The following CALN1 variants were observed in gnomAD, a reference collection of about 807,000 sequenced individuals.
The protein encoded by CALN1 is calneuron 1, also known as calcium-binding protein 8.
In CALN1, 17 loss-of-function variants were observed where a neutral mutation model predicts 30.6. The ratio of observed to expected loss-of-function variants is 0.56; its 90% CI spans 0.38 to 0.83. CALN1 has a LOEUF of 0.83. Among genes scored for constraint, CALN1 ranks in the 40% least tolerant of loss-of-function variants. The pLI, the probability that CALN1 is intolerant of heterozygous loss-of-function variation, is 0.00. For synonymous variants in CALN1, 156 were observed against 131.4 expected (o/e 1.19, Z -1.28); for missense variants, 291 against 354.9 (o/e 0.82, Z 1.45).
chr7:71,890,939 G>T (rs879443952), intron 5 of CALN1, among the ~76,000 whole-genome samples: 8 of 151,836 alleles, frequency 5.3e-5, no homozygotes, highest in Non-Finnish European at 1.2e-4. Context: ...TAGAGACAGG[G>T]CTTTGCTATT....
intron 2 of CALN1, among the ~76,000 whole-genome samples, chr7:72,280,073 T>C (rs1197000141): frequency 6.6e-6 from 1 of 152,198 alleles, no homozygotes; most frequent in Non-Finnish European, 1.5e-5. Context: ...CTATTTCCAT[T>C]AAGCAGACCC....
At chr7:71,826,196 CCACAAGGAATCAG>C (rs1788905247) in intron 5 of CALN1, among the ~76,000 whole-genome samples, 1 of 151,916 alleles carries the variant, frequency 6.6e-6, no homozygotes, top group South Asian at 2.1e-4. Context: ...CTTCTTTGGC[CCACAAGGAATCAG>C]CTCAAGGGAG....
At chr7:72,229,276 T>C (rs886257043) in intron 3 of CALN1, among the ~76,000 whole-genome samples, 9 of 151,984 alleles carry the variant, frequency 5.9e-5, no homozygotes, top group African/African-American at 2.2e-4. Flanking sequence ...GGGGGTATTA[T>C]CCTGTTTTAT....
At chr7:72,471,333 G>A in the CALN1 span, among the ~76,000 whole-genome samples, 2 of 152,158 alleles carry the variant, frequency 1.3e-5, no homozygotes, top group Non-Finnish European at 2.9e-5. Context: ...ATCTCCTTTG[G>A]GGAGAAGGCA....
At chr7:72,344,235 AC>A (rs1288660721) in intron 2 of CALN1, among the ~76,000 whole-genome samples, 1 of 151,970 alleles carries the variant, frequency 6.6e-6, no homozygotes, top group African/African-American at 2.4e-5. Flanking sequence ...GAGACAAGCC[AC>A]CCCCACCATG....
intron 6 of CALN1, among the ~76,000 whole-genome samples, chr7:71,808,181 A>G (rs1787732363): frequency 6.6e-6 from 1 of 152,104 alleles, no homozygotes; most frequent in Non-Finnish European, 1.5e-5. Flanking sequence ...TACCATAATT[A>G]TTAATTATGA....
chr7:72,179,836 T>C (rs1269696988), intron 3 of CALN1, among the ~76,000 whole-genome samples: 1 of 152,198 alleles, frequency 6.6e-6, no homozygotes, highest in Non-Finnish European at 1.5e-5. Context: ...TACATTTTCT[T>C]ATGTAAAAAA....
At position 71,842,200 on chromosome 7, in the gene CALN1, G is replaced by A. The variant is rs867411321; in HGVS notation, c.502-31708C>T. Reference sequence around the variant, plus strand: ...AAGTCTAGTCCCGAGTAAACTCTTTGACAAGCAGGATTCACCCAATGTGAC... The same window carrying A: ...AAGTCTAGTCCCGAGTAAACTCTTTAACAAGCAGGATTCACCCAATGTGAC... On this transcript the variant is annotated intron_variant, in intron 5 of 6. Coordinates refer to ENST00000395275, the MANE Select transcript of CALN1 (RefSeq NM_031468.4). Among the ~76,000 whole-genome samples the A allele has an allele frequency of 5.9e-5, 9 of 152,128 alleles. No individual in the cohort carries two copies. The South Asian group carries it at 1.9e-3, about 32-fold the overall frequency.
chr7:71,850,090 C>T (rs1398182044), intron 5 of CALN1, among the ~76,000 whole-genome samples: 3 of 152,100 alleles, frequency 2.0e-5, no homozygotes, highest in Non-Finnish European at 4.4e-5. Context: ...CTGAAGGATT[C>T]TTGTGAAAGG....
intron 3 of CALN1, among the ~76,000 whole-genome samples, chr7:72,248,733 C>T (rs777096921): frequency 2.6e-5 from 4 of 151,860 alleles, no homozygotes; most frequent in Non-Finnish European, 4.4e-5. Context: ...AATTAGGACA[C>T]GCACATCTTT....
At chr7:72,021,488 A>G (rs1019752727) in intron 5 of CALN1, among the ~76,000 whole-genome samples, 5 of 152,096 alleles carry the variant, frequency 3.3e-5, no homozygotes. Flanking sequence ...GACTCTACCT[A>G]TTGGTCCTTG....
At chr7:72,281,006 T>C (rs1212568104) in intron 2 of CALN1, among the ~76,000 whole-genome samples, 2 of 151,910 alleles carry the variant, frequency 1.3e-5, no homozygotes, top group Non-Finnish European at 2.9e-5. Context: ...TAGCTGGACA[T>C]GGTAGTGCAC....
chr7:71,871,079 T>C (rs1437823652), intron 5 of CALN1, among the ~76,000 whole-genome samples: 1 of 152,082 alleles, frequency 6.6e-6, no homozygotes, highest in Non-Finnish European at 1.5e-5. Context: ...GTAAGCAAAA[T>C]TGCAGGGAGG....
At chr7:71,953,587 A>G (rs923469869) in intron 5 of CALN1, among the ~76,000 whole-genome samples, 1 of 152,134 alleles carries the variant, frequency 6.6e-6, no homozygotes, top group African/African-American at 2.4e-5. Context: ...TTTCACGCCT[A>G]TTAACAGCAT....
intron 2 of CALN1, among the ~76,000 whole-genome samples, chr7:72,381,517 G>A (rs562258930): frequency 6.6e-6 from 1 of 152,280 alleles, no homozygotes; most frequent in East Asian, 1.9e-4. Flanking sequence ...AAAAAAGAAT[G>A]AGTTCATTTG....
rs1801934306 is a variant in CALN1, at chr7:72,335,225, T to C, written c.120-56415A>G. On this transcript the variant is annotated intron_variant, in intron 2 of 6. Coordinates refer to ENST00000395275, the MANE Select transcript of CALN1 (RefSeq NM_031468.4). ...AGAAGGAGAGCTGGAATGGGGCTTC[T>C]ATGAAAAACACGTCCTGTTCTAGCC... 2.6e-5 allele frequency among the ~76,000 whole-genome samples: 4 copies of C among 152,208 alleles called. No individual in the cohort carries two copies. In the South Asian group the frequency reaches 8.3e-4, roughly 32 times the overall value.
At chr7:72,176,116 A>T (rs1463936771) in intron 3 of CALN1, among the ~76,000 whole-genome samples, 1 of 152,136 alleles carries the variant, frequency 6.6e-6, no homozygotes, top group Non-Finnish European at 1.5e-5. Flanking sequence ...AAAACTCTTA[A>T]TCTGTAAGAG....
chr7:72,414,128 A>C (rs1255103570), upstream of CALN1, among the ~76,000 whole-genome samples: 1 of 152,014 alleles, frequency 6.6e-6, no homozygotes, highest in Admixed American at 6.5e-5. Flanking sequence ...AGACGGATTC[A>C]CTCATTGGAG....
chr7:72,106,143 G>T lies in CALN1; in HGVS notation c.388+8C>A. ...TCTCAGGGGAGAAGCTGCTTGTCCG[G>T]GTCTTACCGTCCATGTCCAAGCGCT... On this transcript the variant is annotated splice_region_variant and intron_variant, in intron 4 of 6. Transcript: ENST00000395275. 1 of 1,612,934 alleles carries T rather than the reference G, an allele frequency of 6.2e-7. No individual in the cohort carries two copies. The highest frequency in any genetic ancestry group is 8.5e-7 in the Non-Finnish European group (1 of 1,179,496).
Sources: allele counts gnomAD v4.1 joint callset (sites outside exome capture counted in the v4.1 genomes callset), GRCh38; gene constraint gnomAD v4.1.1; transcripts MANE v1.5; gene names NCBI Gene and HGNC (gene_info 2026-07-23, HGNC 2026-07-21).